The following CARD19 variants were observed in gnomAD, a reference collection of about 807,000 sequenced individuals.
The protein encoded by CARD19 is caspase recruitment domain family member 19.
CARD19 carries 25 observed loss-of-function variants against 24.1 expected under a neutral mutation model. The observed-to-expected ratio is 1.04, with a 90% CI of 0.76 to 1.45. CARD19 has a LOEUF of 1.45. Ranked by LOEUF, CARD19 falls within the 40% of genes most tolerant of loss-of-function variation. CARD19 has a pLI of 0.00. For missense variants in CARD19, 241 were observed against 247.4 expected, an observed-to-expected ratio of 0.97 and a Z score of 0.17; for synonymous variants, 103 against 104.9, an observed-to-expected ratio of 0.98 and a Z score of 0.11.
intron 1 of CARD19, among the ~76,000 whole-genome samples, chr9:93,097,492 G>C (rs541888166): frequency 6.6e-6 from 1 of 152,196 alleles, no homozygotes; most frequent in Non-Finnish European, 1.5e-5. Flanking sequence ...GTTTGAAAAT[G>C]ATCAGATGGG....
At chr9:93,102,218 C>A (rs1827111397) in intron 1 of CARD19, among the ~76,000 whole-genome samples, 1 of 151,256 alleles carries the variant, frequency 6.6e-6, no homozygotes, top group African/African-American at 2.4e-5. Flanking sequence ...GTCATCTGCT[C>A]CCCTTAGCCT....
chr9:93,104,519 G>A (rs770977990), intron 1 of CARD19, among the ~76,000 whole-genome samples: 1 of 152,110 alleles, frequency 6.6e-6, no homozygotes, highest in Admixed American at 6.6e-5. Context: ...ATGTATGGTA[G>A]AATTAACCAG....
intron 1 of CARD19, among the ~76,000 whole-genome samples, chr9:93,097,818 A>G (rs4237219): frequency 0.74 from 112,089 of 152,224 alleles, 43,974 homozygotes; most frequent in Non-Finnish European, 0.87. Flanking sequence ...GGCTCTGACT[A>G]TAGGCCTCAC....
chr9:93,110,809 T>C (rs1336298288), intron 3 of CARD19, 88 bp downstream of exon 3: 3 of 1,540,866 alleles, frequency 1.9e-6, no homozygotes, highest in Non-Finnish European at 2.6e-6. Flanking sequence ...ATGTCCTCCA[T>C]GACCACCCAA....
chr9:93,110,412 T>G lies in CARD19; in HGVS notation c.151-156T>G. 3 of 1,198,486 alleles carry G rather than the reference T, an allele frequency of 2.5e-6. No individual in the cohort carries two copies. In the South Asian group the frequency reaches 4.6e-5, roughly 18 times the overall value. The allele number at this position is 1,198,486 out of a possible 1,614,324, so 74.2% of individuals were successfully genotyped here. On this transcript the variant is annotated intron_variant, in intron 2 of 5. Transcript: ENST00000375464. ...AGGCAATGCCAGGCACTATGTGGTG[T>G]GGGTAAGGGGCAGGTTGTCACAGGA... is the stretch of plus-strand genomic sequence containing the variant.
chr9:93,111,877 A>C lies in CARD19; in HGVS notation c.305-2A>C. On this transcript the variant is annotated splice_acceptor_variant, in intron 3 of 5. Coordinates refer to ENST00000375464, the MANE Select transcript of CARD19 (RefSeq NM_032310.5). LOFTEE classifies it high-confidence loss of function. ...AACTATGCTCTGTGGTTTTGTTTCC[A>C]GAGAACTCAGATTGCACAGAGCTAG... 1 of 1,611,694 alleles carries C rather than the reference A, an allele frequency of 6.2e-7. No individual in the cohort carries two copies. The highest frequency in any genetic ancestry group is 8.5e-7 in the Non-Finnish European group (1 of 1,179,530).
In CARD19 at chr9:93,113,097, G is replaced by A. The variant is rs765455441; in HGVS notation, c.542G>A (p.Gly181Glu). Residue 181 changes from glycine (G) to glutamate (E), a missense_variant, in exon 6 of 6, where the codon GGG becomes GAG. Coordinates refer to ENST00000375464, the MANE Select transcript of CARD19 (RefSeq NM_032310.5). ...YLLAFLADDLGGL is the reference protein window; with the variant it reads ...YLLAFLADDLEGL ...CTGGCCTTCCTGGCAGATGACCTAGGGGGGCTCTGACAGACCCTGGACCCA... is the reference window on the plus strand; with the variant it reads ...CTGGCCTTCCTGGCAGATGACCTAGAGGGGCTCTGACAGACCCTGGACCCA... 2.5e-6 allele frequency: 4 copies of A among 1,573,672 alleles called. No individual in the cohort carries two copies. Among genetic ancestry groups the A allele is most frequent in the East Asian group, 2.3e-5 (1 of 43,224 alleles).
At chr9:93,098,900 CTTT>C (rs10693165) in intron 1 of CARD19, among the ~76,000 whole-genome samples, 1 of 120,456 alleles carries the variant, frequency 8.3e-6, no homozygotes, top group Non-Finnish European at 1.6e-5. Flanking sequence ...TTGCAGAACT[CTTT>C]TTTTTTTTTT....
chr9:93,110,321 C>T (rs1302942582), intron 2 of CARD19: 1 of 582,464 alleles, frequency 1.7e-6, no homozygotes, highest in African/African-American at 1.9e-5. Flanking sequence ...TGTGACCACT[C>T]CCAGCCTGTT....
Position 93,113,048 on chromosome 9 carries a change from G to A in CARD19, c.493G>A (p.Asp165Asn), listed in dbSNP as rs1426027848. 3 of 1,607,246 alleles carry A rather than the reference G, an allele frequency of 1.9e-6. No individual in the cohort carries two copies. The highest frequency in any genetic ancestry group is 1.3e-5 in the African/African-American group (1 of 74,792). ...RVLGFSPVII[D>N]RHVSRYLLAF... ...CCTCGGTTTCTCGCCTGTCATCATCGACAGACATGTCAGCCGCTACCTGCT... is the reference window on the plus strand; with the variant it reads ...CCTCGGTTTCTCGCCTGTCATCATCAACAGACATGTCAGCCGCTACCTGCT... Residue 165 changes from aspartate (D) to asparagine (N), a missense_variant, in exon 6 of 6, where the codon GAC becomes AAC. Transcript: ENST00000375464.
rs532013561 is a variant in CARD19, at chr9:93,113,248, A to G, written c.*141A>G. The G allele has an allele frequency of 3.4e-6, 2 of 585,012 alleles. No homozygotes were observed. Among genetic ancestry groups the G allele is most frequent in the South Asian group, 2.2e-5 (1 of 45,448 alleles). 36.2% of individuals were successfully genotyped at this position (585,012 alleles called of 1,614,324 possible). A position where few individuals can be genotyped will look rare whatever the true frequency, so the allele number is the denominator to read the frequency against. ...TGTAAAAAACACACCTTCACCTTAC[A>G]AGGTGCTGACCATATTAAATGTTCA... On this transcript the variant is annotated 3_prime_UTR_variant, in exon 6 of 6. Coordinates refer to ENST00000375464, the MANE Select transcript of CARD19 (RefSeq NM_032310.5).
Position 93,112,366 on chromosome 9 carries a change from A to G in CARD19, c.436+77A>G, listed in dbSNP as rs141893826. 1.1e-3 allele frequency: 1,395 copies of G among 1,297,020 alleles called. 11 individuals carry two copies. The African/African-American group carries it at 0.018, about 17-fold the overall frequency. 80.3% of individuals were successfully genotyped at this position (1,297,020 alleles called of 1,614,324 possible). Reference sequence around the variant, plus strand: ...AAGCCAGGGCCCCAGACCCTGCCCAATTTGGGACCCCTTGGCCTCTTCGTA... The same window carrying G: ...AAGCCAGGGCCCCAGACCCTGCCCAGTTTGGGACCCCTTGGCCTCTTCGTA... On this transcript the variant is annotated intron_variant, in intron 5 of 5. Transcript: ENST00000375464.
chr9:93,110,411 G>A lies in CARD19; in HGVS notation c.151-157G>A, dbSNP rs566578947. 2,947 of 1,191,844 alleles carry A rather than the reference G, an allele frequency of 2.5e-3. 9 individuals carry two copies. Among genetic ancestry groups the A allele is most frequent in the East Asian group, 4.2e-3 (166 of 39,930 alleles). The allele number at this position is 1,191,844 out of a possible 1,614,324, so 73.8% of individuals were successfully genotyped here. Reference sequence around the variant, plus strand: ...GAGGCAATGCCAGGCACTATGTGGTGTGGGTAAGGGGCAGGTTGTCACAGG... The same window carrying A: ...GAGGCAATGCCAGGCACTATGTGGTATGGGTAAGGGGCAGGTTGTCACAGG... On this transcript the variant is annotated intron_variant, in intron 2 of 5. Coordinates refer to ENST00000375464, the MANE Select transcript of CARD19 (RefSeq NM_032310.5).
At chr9:93,097,185 C>A (rs1564204185) in intron 1 of CARD19, among the ~76,000 whole-genome samples, 1 of 152,088 alleles carries the variant, frequency 6.6e-6, no homozygotes, top group Admixed American at 6.5e-5. Flanking sequence ...TTCATTCTTA[C>A]TGTTCTGTTT....
intron 1 of CARD19, among the ~76,000 whole-genome samples, chr9:93,097,931 G>A (rs1826941331): frequency 6.6e-6 from 1 of 152,258 alleles, no homozygotes; most frequent in Admixed American, 6.5e-5. Context: ...GGCCCATGGA[G>A]CACAGCTCTG....
chr9:93,107,744 G>A lies in CARD19; in HGVS notation c.78G>A (p.Gln26=), dbSNP rs767130946. ...CAGGCCATGGGCGCTTGAGTGAGCAGCAGGTGGACAGGATCATCCTCCAGC... is the reference window on the plus strand; with the variant it reads ...CAGGCCATGGGCGCTTGAGTGAGCAACAGGTGGACAGGATCATCCTCCAGC... The part of the protein sequence containing the change: ...FLTGHGRLSE[Q]QVDRIILQLN... Residue 26 remains glutamine (Q), a synonymous_variant, in exon 2 of 6, where the codon CAG becomes CAA. Transcript: ENST00000375464. 2.0e-5 allele frequency: 32 copies of A among 1,614,252 alleles called. No individual in the cohort carries two copies. The Middle Eastern group carries it at 4.9e-4, about 25-fold the overall frequency.
intron 1 of CARD19, among the ~76,000 whole-genome samples, chr9:93,105,252 A>G (rs567966120): frequency 6.7e-6 from 1 of 150,222 alleles, no homozygotes; most frequent in Admixed American, 6.7e-5. Context: ...CTCCTAATTT[A>G]CCTCATGATT....
intron 1 of CARD19, 104 bp from the exon 2 acceptor site, chr9:93,107,570 C>T: frequency 7.3e-7 from 1 of 1,378,192 alleles, no homozygotes. Context: ...TGGTGGGAAC[C>T]CACCTTGGGG....
At chr9:93,105,201 T>C (rs964312112) in intron 1 of CARD19, among the ~76,000 whole-genome samples, 347 of 20,372 alleles carry the variant, frequency 0.017, 2 homozygotes, top group Admixed American at 0.02. Context: ...TGTGTGCGTG[T>C]GTGTGTGTGT....
Sources: gnomAD v4.1 joint callset for allele counts (sites outside exome capture counted in the v4.1 genomes callset) on GRCh38, gnomAD v4.1.1 for gene constraint, MANE v1.5 for transcripts, NCBI Gene and HGNC (gene_info 2026-07-23, HGNC 2026-07-21) for gene names.